Variants in MORN4 observed in about 807,000 individuals in gnomAD.
MORN4 encodes MORN repeat-containing protein 4.
MORN4 carries 8 observed loss-of-function variants against 16.4 expected under a neutral mutation model. The observed-to-expected ratio is 0.49, with a 90% CI of 0.29 to 0.88. The LOEUF is 0.88. Among genes scored for constraint, MORN4 ranks in the 40% least tolerant of loss-of-function variants. The pLI is 0.09. For synonymous variants in MORN4, 53 were observed against 68.9 expected, an observed-to-expected ratio of 0.77 and a Z score of 1.14; for missense variants, 159 against 182.9, an observed-to-expected ratio of 0.87 and a Z score of 0.75.
intron 1 of MORN4, among the ~76,000 whole-genome samples, chr10:97,631,570 AAAC>A (rs139421563): frequency 0.032 from 4,796 of 152,158 alleles, 265 homozygotes; most frequent in African/African-American, 0.11. Context: ...TCAACGTATT[AAAC>A]AACATTTTTG....
At position 97,621,863 on chromosome 10, in the gene MORN4, TA is replaced by T. The variant is rs568998328; in HGVS notation, c.-30-2181del. ...CTGGGCGACAGAGTGAGGCTCTGTC[TA>T]AAAAAAAAAAGAGGCAGAGTTTATT... On this transcript the variant is annotated intron_variant, in intron 1 of 4. Coordinates refer to ENST00000307450, the MANE Select transcript of MORN4 (RefSeq NM_178832.4). Among the ~76,000 whole-genome samples, 471 of 145,066 alleles carry T rather than the reference TA, an allele frequency of 3.2e-3. 3 individuals carry two copies. Among genetic ancestry groups the T allele is most frequent in the African/African-American group, 0.01 (414 of 39,886 alleles).
intron 1 of MORN4, among the ~76,000 whole-genome samples, chr10:97,627,405 A>C (rs942554025): frequency 1.3e-5 from 2 of 152,168 alleles, no homozygotes; most frequent in Non-Finnish European, 2.9e-5. Flanking sequence ...CGGCCTCCCA[A>C]AGTGCTAGAT....
chr10:97,627,398 C>T (rs370338855), intron 1 of MORN4, among the ~76,000 whole-genome samples: 1 of 152,188 alleles, frequency 6.6e-6, no homozygotes, highest in African/African-American at 2.4e-5. Context: ...CCCACCTCGG[C>T]CTCCCAAAGT....
chr10:97,624,109 G>A (rs1311130940), intron 1 of MORN4, among the ~76,000 whole-genome samples: 1 of 152,094 alleles, frequency 6.6e-6, no homozygotes, highest in African/African-American at 2.4e-5. Flanking sequence ...TCCCAGGGAA[G>A]CCAAAACCTC....
intron 2 of MORN4, among the ~76,000 whole-genome samples, chr10:97,618,960 A>C (rs754668331): frequency 6.6e-6 from 1 of 152,104 alleles, no homozygotes; most frequent in Non-Finnish European, 1.5e-5. Flanking sequence ...GGGAATAATA[A>C]TAGTATGTGC....
At chr10:97,626,974 C>T (rs2041353919) in intron 1 of MORN4, among the ~76,000 whole-genome samples, 1 of 151,452 alleles carries the variant, frequency 6.6e-6, no homozygotes, top group Non-Finnish European at 1.5e-5. Flanking sequence ...CCAGGCTGGT[C>T]TTGAACTCCT....
At position 97,616,787 on chromosome 10, in the gene MORN4, C is replaced by G; in HGVS notation, c.183G>C (p.Arg61Ser). The G allele has an allele frequency of 6.2e-7, 1 of 1,607,038 alleles. No individual in the cohort carries two copies. Among genetic ancestry groups the G allele is most frequent in the Non-Finnish European group, 8.5e-7 (1 of 1,173,554 alleles). ...TGCCCTGGGCAAACTCCCCCTCATA[C>G]CTGCAGAAACACCAAGAAGTTAGCC... Reference protein sequence around the residue: ...FGVLTFSDGSRYEGEFAQGKF... With the variant: ...FGVLTFSDGSSYEGEFAQGKF... Residue 61 changes from arginine to serine, a missense_variant and splice_region_variant, in exon 4 of 5, where the codon AGG becomes AGC. Arg to Ser is a moderately radical substitution (Grantham distance 110, BLOSUM62 -1). Coordinates refer to ENST00000307450, the MANE Select transcript of MORN4 (RefSeq NM_178832.4).
chr10:97,630,329 AGTGCTGGGAT>A (rs1055977320), intron 1 of MORN4, among the ~76,000 whole-genome samples: 2 of 152,106 alleles, frequency 1.3e-5, no homozygotes, highest in African/African-American at 4.8e-5. Flanking sequence ...AACCTCCCAA[AGTGCTGGGAT>A]TACAGGCATG....
chr10:97,620,747 G>C (rs940894478), intron 1 of MORN4, among the ~76,000 whole-genome samples: 1 of 152,066 alleles, frequency 6.6e-6, no homozygotes, highest in Non-Finnish European at 1.5e-5. Context: ...GGAGGCCGAG[G>C]TGGGAGGATC....
chr10:97,626,455 C>T (rs1282836313), intron 1 of MORN4, among the ~76,000 whole-genome samples: 4 of 149,586 alleles, frequency 2.7e-5, no homozygotes, highest in African/African-American at 9.8e-5. Context: ...CTTGTTCTCT[C>T]TCTTTTTTTT....
intron 1 of MORN4, among the ~76,000 whole-genome samples, chr10:97,631,337 AG>A (rs1168545075): frequency 1.4e-4 from 21 of 152,332 alleles, no homozygotes; most frequent in Admixed American, 1.1e-3. Flanking sequence ...TGGGTTGCAA[AG>A]GATCAGTCCA....
At chr10:97,619,375 G>C (rs2041267955) in intron 2 of MORN4, 2 of 589,962 alleles carry the variant, frequency 3.4e-6, no homozygotes, top group Admixed American at 3.0e-5. Context: ...AAAAAAGAAA[G>C]ATATAACTCA....
rs1391654323 is a variant in MORN4 at position 97,616,217 on chromosome 10, G to A, written c.*46C>T. On this transcript the variant is annotated 3_prime_UTR_variant, in exon 5 of 5. Transcript: ENST00000307450. ...TTGTTCACCTCGAATCAACAACAGG[G>A]GCACTGGCTTTACCCAATACTTATC... 1.3e-6 allele frequency: 2 copies of A among 1,494,408 alleles called. No homozygotes were observed. The highest frequency in any genetic ancestry group is 2.7e-5 in the South Asian group (2 of 72,746). 92.6% of individuals were successfully genotyped at this position (1,494,408 alleles called of 1,614,324 possible). A position where few individuals can be genotyped will look rare whatever the true frequency, so the allele number is the denominator to read the frequency against.
Position 97,616,375 on chromosome 10 carries a change from G to A in MORN4, c.329C>T (p.Pro110Leu). Residue 110 changes from proline (P) to leucine (L), a missense_variant, in exon 5 of 5, where the codon CCC becomes CTC. Transcript: ENST00000307450. Reference sequence around the variant, plus strand: ...GTTCTCAAAGAGACCTTCATTGCGGGGGATTCCATGAGAACCATCAGGGAA... The same window carrying A: ...GTTCTCAAAGAGACCTTCATTGCGGAGGATTCCATGAGAACCATCAGGGAA... ...LTFPDGSHGI[P>L]RNEGLFENNK... The A allele has an allele frequency of 1.2e-6, 2 of 1,611,254 alleles. No individual in the cohort carries two copies. Among genetic ancestry groups the A allele is most frequent in the Non-Finnish European group, 1.7e-6 (2 of 1,178,778 alleles).
intron 1 of MORN4, among the ~76,000 whole-genome samples, chr10:97,625,475 G>C (rs1456234331): frequency 6.6e-6 from 1 of 152,138 alleles, no homozygotes; most frequent in Non-Finnish European, 1.5e-5. Context: ...TGACACACAC[G>C]TAAGTACCTA....
rs750000590 is a variant in MORN4, at chr10:97,616,457, G to A, written c.293-46C>T. 4 of 1,553,032 alleles carry A rather than the reference G, an allele frequency of 2.6e-6. No homozygotes were observed. The Admixed American group carries it at 5.7e-5, about 22-fold the overall frequency. ...ATATGGGAGTGACAATGGCATTAAT[G>A]TCTCAAAGATGAGACATATCTTTGG... On this transcript the variant is annotated intron_variant, in intron 4 of 4. Coordinates refer to ENST00000307450, the MANE Select transcript of MORN4 (RefSeq NM_178832.4).
At position 97,616,240 on chromosome 10, in the gene MORN4, AT is replaced by A. The variant is rs770808880; in HGVS notation, c.*22del. ...GGGGCACTGGCTTTACCCAATACTT[AT>A]CAGCTGGTGCCCACTGCGCTGTCAG... is the stretch of plus-strand genomic sequence containing the variant. On this transcript the variant is annotated 3_prime_UTR_variant, in exon 5 of 5. Coordinates refer to ENST00000307450, the MANE Select transcript of MORN4 (RefSeq NM_178832.4). 9.7e-6 allele frequency: 15 copies of A among 1,548,134 alleles called. No individual in the cohort carries two copies. The highest frequency in any genetic ancestry group is 1.3e-5 in the Non-Finnish European group (15 of 1,148,902).
chr10:97,617,753 G>A (rs182762978), intron 2 of MORN4, among the ~76,000 whole-genome samples: 2 of 151,904 alleles, frequency 1.3e-5, no homozygotes, highest in Admixed American at 6.6e-5. Flanking sequence ...CCAGCTACTC[G>A]GGAGGCTGAG....
intron 1 of MORN4, among the ~76,000 whole-genome samples, chr10:97,625,251 T>C (rs2041336957): frequency 6.6e-6 from 1 of 152,164 alleles, no homozygotes; most frequent in African/African-American, 2.4e-5. Flanking sequence ...CCCAGGATAA[T>C]ATGGTGGTGT....
Sources: gnomAD v4.1 joint callset for allele counts (sites outside exome capture counted in the v4.1 genomes callset) on GRCh38, gnomAD v4.1.1 for gene constraint, MANE v1.5 for transcripts, NCBI Gene and HGNC (gene_info 2026-07-23, HGNC 2026-07-21) for gene names.